Variants in ZNF207 observed in about 807,000 individuals in gnomAD.
ZNF207 encodes BUB3-interacting and GLEBS motif-containing protein ZNF207.
A neutral mutation model predicts 60.2 loss-of-function variants in ZNF207; 24 were observed. That is an observed-to-expected ratio of 0.40 (90% CI 0.29 to 0.56). ZNF207 has a LOEUF of 0.56. Ranked by LOEUF, ZNF207 falls within the 20% of genes least tolerant of loss-of-function variation. The pLI, the probability that ZNF207 is intolerant of heterozygous loss-of-function variation, is 0.49. For synonymous variants in ZNF207, 236 were observed against 194.7 expected (o/e 1.21, Z -1.77); for missense variants, 452 against 636.6 (o/e 0.71, Z 3.12).
At chr17:32,359,467 C>CA (rs954666023) in intron 3 of ZNF207, among the ~76,000 whole-genome samples, 35 of 152,224 alleles carry the variant, frequency 2.3e-4, no homozygotes, top group African/African-American at 8.2e-4. Context: ...AGGCTGGTCT[C>CA]AAACTCCTGA....
At chr17:32,367,242 TATATA>T (rs1905212923) in intron 9 of ZNF207, among the ~76,000 whole-genome samples, 2 of 43,888 alleles carry the variant, frequency 4.6e-5, no homozygotes, top group African/African-American at 3.5e-4. Flanking sequence ...GAGGGGATTA[TATATA>T]TATATATATA....
chr17:32,351,427 C>G (rs745412075), intron 1 of ZNF207: 2 of 1,319,226 alleles, frequency 1.5e-6, no homozygotes, highest in Non-Finnish European at 1.9e-6. Context: ...TTGACAGAAC[C>G]TTAGGGATTT....
chr17:32,367,875 C>T lies in ZNF207; in HGVS notation c.1025C>T (p.Thr342Ile), dbSNP rs965602506. 7 of 1,614,196 alleles carry T rather than the reference C, an allele frequency of 4.3e-6. No individual in the cohort carries two copies. Among genetic ancestry groups the T allele is most frequent in the Non-Finnish European group, 5.9e-6 (7 of 1,180,044 alleles). ...EPPKPTFPAY[T>I]QSTASTTSTT... ...CCAAAGCCTACATTCCCTGCTTATA[C>T]ACAGTCTACAGCTTCAACAACTAGT... The change falls in exon 10 of 12, where the codon ACA becomes ATA. Residue 342 changes from threonine to isoleucine, a missense_variant. Physicochemically the swap from Thr to Ile is moderately conservative, Grantham distance 89 (BLOSUM62 -1). Coordinates refer to ENST00000394670, the MANE Select transcript of ZNF207 (RefSeq NM_001098507.2).
At position 32,350,238 on chromosome 17, in the gene ZNF207, C is replaced by T; in HGVS notation, c.-48C>T. On this transcript the variant is annotated 5_prime_UTR_variant, in exon 1 of 12. Coordinates refer to ENST00000394670, the MANE Select transcript of ZNF207 (RefSeq NM_001098507.2). The stretch of plus-strand genomic sequence containing the variant: ...AAGTGAGGGATTTTTGGCCTCGTTT[C>T]TCCTGCTTCTTTTCTCCTCCCTTTT... 2 of 1,613,492 alleles carry T rather than the reference C, an allele frequency of 1.2e-6. No homozygotes were observed. Among genetic ancestry groups the T allele is most frequent in the Admixed American group, 1.7e-5 (1 of 59,996 alleles).
intron 5 of ZNF207, chr17:32,361,250 G>A: frequency 7.1e-6 from 4 of 559,642 alleles, no homozygotes; most frequent in Non-Finnish European, 1.2e-5. Flanking sequence ...GCGTTTCTGA[G>A]ATTCAGAATT....
rs1905177520 is a variant in ZNF207 at position 32,366,674 on chromosome 17, C to A, written c.838C>A (p.Pro280Thr). The change falls in exon 9 of 12, where the codon CCT becomes ACT. Residue 280 changes from proline to threonine, a missense_variant. This residue lies in a region of ZNF207 where 390 missense variants were observed against 461.4 expected (regional missense o/e 0.85). Transcript: ENST00000394670. ...TTCTTTTATGCTACAGATGGGGACA[C>A]CTGTCACAAGCTCAAGTACAGCTTC... ...LFPSAGQMGT[P>T]VTSSSTASSN... 2 of 1,607,126 alleles carry A rather than the reference C, an allele frequency of 1.2e-6. No homozygotes were observed. The highest frequency in any genetic ancestry group is 1.7e-6 in the Non-Finnish European group (2 of 1,177,812).
chr17:32,362,838 G>C, intron 6 of ZNF207, 76 bp from the exon 7 acceptor site: 1 of 1,334,756 alleles, frequency 7.5e-7, no homozygotes, highest in Non-Finnish European at 1.1e-6. Flanking sequence ...TGTTGTTTCA[G>C]GCTTTAGCCA....
At position 32,365,505 on chromosome 17, in the gene ZNF207, A is replaced by T; in HGVS notation, c.828+18A>T. 6.2e-7 allele frequency: 1 copy of T among 1,612,764 alleles called. No homozygotes were observed. On this transcript the variant is annotated intron_variant, in intron 8 of 11. Coordinates refer to ENST00000394670, the MANE Select transcript of ZNF207 (RefSeq NM_001098507.2). ...CTGGACAGGTAAGGTGAAAATCCTG[A>T]AAAGGAGTGCACTTATATTTAAAGA...
chr17:32,361,445 G>A (rs1239020739), intron 5 of ZNF207, 23 bp from the exon 6 acceptor site: 2 of 1,598,570 alleles, frequency 1.3e-6, no homozygotes, highest in East Asian at 4.5e-5. Flanking sequence ...GTTAGATTTT[G>A]ATTTTGTCAT....
rs1597778209 is a variant in ZNF207 at position 32,361,498 on chromosome 17, A to G, written c.582A>G (p.Ser194=). Residue 194 remains serine, a synonymous_variant, in exon 6 of 12, where the codon TCA becomes TCG. Coordinates refer to ENST00000394670, the MANE Select transcript of ZNF207 (RefSeq NM_001098507.2). ...ATCATCAGAGAAAATACACCCAGTC[A>G]TTTTGCGGTGAAAACATGTAAGCAT... ...GLHHQRKYTQ[S]FCGENIMMPM... 6.2e-7 allele frequency: 1 copy of G among 1,607,856 alleles called. No homozygotes were observed. The highest frequency in any genetic ancestry group is 8.5e-7 in the Non-Finnish European group (1 of 1,177,014).
rs979506479 is a variant in ZNF207, at chr17:32,379,162, C to T, written c.*9403C>T. 74 of 150,936 alleles carry T rather than the reference C, an allele frequency of 4.9e-4. No individual in the cohort carries two copies. Among genetic ancestry groups the T allele is most frequent in the African/African-American group, 1.7e-3 (69 of 41,066 alleles). 9.3% of individuals were successfully genotyped at this position (150,936 alleles called of 1,614,324 possible). On this transcript the variant is annotated 3_prime_UTR_variant, in exon 12 of 12. Transcript: ENST00000394670. ...ATCTGTATATGAAATGGTGTAGATACAGTGGAAATGGTTTTCCTTAAAACC... is the reference window on the plus strand; with the variant it reads ...ATCTGTATATGAAATGGTGTAGATATAGTGGAAATGGTTTTCCTTAAAACC...
chr17:32,359,082 C>G (rs994679246), intron 3 of ZNF207, among the ~76,000 whole-genome samples: 1 of 148,950 alleles, frequency 6.7e-6, no homozygotes, highest in African/African-American at 2.5e-5. Context: ...GGATTACAGG[C>G]GCAAGCCACC....
chr17:32,367,703 G>A, intron 9 of ZNF207, 69 bp from the exon 10 acceptor site: 1 of 1,564,686 alleles, frequency 6.4e-7, no homozygotes, highest in South Asian at 1.2e-5. Context: ...CTTGTTTTAA[G>A]TTAAACTGTT....
chr17:32,369,166 AAAT>A (rs1905346439), intron 10 of ZNF207, 126 bp from the exon 11 acceptor site: 1 of 975,714 alleles, frequency 1.0e-6, no homozygotes, highest in South Asian at 1.9e-5. Flanking sequence ...TGGCAAAAGT[AAAT>A]AGTTGGGATG....
intron 7 of ZNF207, among the ~76,000 whole-genome samples, chr17:32,363,293 G>C (rs987135340): frequency 6.6e-6 from 1 of 151,832 alleles, no homozygotes; most frequent in Non-Finnish European, 1.5e-5. Flanking sequence ...TTACCATGTT[G>C]ACCAGGTTGG....
Position 32,373,263 on chromosome 17 carries a change from G to C in ZNF207, c.*3504G>C, listed in dbSNP as rs2150806248. ...TACGGGCTCAGAGTGGAATTGTAGT[G>C]GACAATAGTTAAAAACAAAGCTGCT... On this transcript the variant is annotated 3_prime_UTR_variant, in exon 12 of 12. Coordinates refer to ENST00000394670, the MANE Select transcript of ZNF207 (RefSeq NM_001098507.2). 7.7e-6 allele frequency: 4 copies of C among 520,532 alleles called. No individual in the cohort carries two copies. The South Asian group carries it at 1.3e-4, about 16-fold the overall frequency. The allele number at this position is 520,532 out of a possible 1,614,324, so 32.2% of individuals were successfully genotyped here.
In ZNF207 at chr17:32,367,797, T is replaced by C; in HGVS notation, c.947T>C (p.Val316Ala). The part of the protein sequence containing the change: ...AQAQAAVQGP[V>A]GTDFKPLNST... ...GCTCAGGCAGCTGTCCAAGGACCTGTTGGTACAGATTTCAAACCCTTAAAT... is the reference window on the plus strand; with the variant it reads ...GCTCAGGCAGCTGTCCAAGGACCTGCTGGTACAGATTTCAAACCCTTAAAT... The change falls in exon 10 of 12, where the codon GTT becomes GCT. Residue 316 changes from valine (V) to alanine (A), a missense_variant. By Grantham distance (64) the Val-to-Ala change is moderately conservative. Around this residue, in one of 2 missense-constraint regions of ZNF207, gnomAD observed 390 missense variants for 461.4 expected, o/e 0.85. Coordinates refer to ENST00000394670, the MANE Select transcript of ZNF207 (RefSeq NM_001098507.2). 1 of 1,614,170 alleles carries C rather than the reference T, an allele frequency of 6.2e-7. No individual in the cohort carries two copies. The highest frequency in any genetic ancestry group is 8.5e-7 in the Non-Finnish European group (1 of 1,180,038).
At chr17:32,357,823 A>AG (rs1359501772) in intron 2 of ZNF207, among the ~76,000 whole-genome samples, 1 of 150,138 alleles carries the variant, frequency 6.7e-6, no homozygotes, top group African/African-American at 2.5e-5. Context: ...GTTTTTTTTG[A>AG]GGGACTCTCC....
At chr17:32,367,713 T>A (rs1469991478) in intron 9 of ZNF207, 59 bp from the exon 10 acceptor site, 5 of 1,596,972 alleles carry the variant, frequency 3.1e-6, no homozygotes, top group Non-Finnish European at 3.4e-6. Context: ...GTTAAACTGT[T>A]GTAGATATAG....
Sources: allele counts gnomAD v4.1 joint callset (sites outside exome capture counted in the v4.1 genomes callset), GRCh38; gene constraint gnomAD v4.1.1; regional missense constraint gnomAD v4.1.1; transcripts MANE v1.5; gene names NCBI Gene and HGNC (gene_info 2026-07-23, HGNC 2026-07-21).